AGBL1: variants seen among roughly 807,000 people sequenced by gnomAD.
The protein encoded by AGBL1 is AGBL carboxypeptidase 1, also known as cytosolic carboxypeptidase 4.
AGBL1 carries 130 observed loss-of-function variants against 118.9 expected under a neutral mutation model. The observed-to-expected ratio is 1.09, with a 90% confidence interval of 0.95 to 1.26. The LOEUF is 1.26. Ranked by LOEUF, AGBL1 falls within the 50% of genes most tolerant of loss-of-function variation. The pLI, the probability that AGBL1 is intolerant of heterozygous loss-of-function variation, is 0.00. For missense variants in AGBL1, 1,584 were observed against 1,298.1 expected (o/e 1.22, Z -3.38); for synonymous variants, 555 against 478.9 (o/e 1.16, Z -2.08).
At chr15:86,180,213 T>A (rs943654169) in intron 5 of AGBL1, among the ~76,000 whole-genome samples, 1 of 151,860 alleles carries the variant, frequency 6.6e-6, no homozygotes, top group Non-Finnish European at 1.5e-5. Context: ...AAAATTCATA[T>A]GGAAAGACCA....
intron 20 of AGBL1, among the ~76,000 whole-genome samples, chr15:86,548,612 A>G (rs1470381383): frequency 1.3e-5 from 2 of 151,462 alleles, no homozygotes; most frequent in Non-Finnish European, 2.9e-5. Flanking sequence ...TGTGGTCATC[A>G]AGAAATGCAG....
intron 3 of AGBL1, among the ~76,000 whole-genome samples, chr15:86,148,310 G>A (rs1459393160): frequency 6.6e-6 from 1 of 152,094 alleles, no homozygotes; most frequent in African/African-American, 2.4e-5. Context: ...GCTTCAAAAG[G>A]TCGGTAATAA....
intron 22 of AGBL1, among the ~76,000 whole-genome samples, chr15:86,754,381 A>G (rs2077902365): frequency 6.6e-6 from 1 of 152,102 alleles, no homozygotes; most frequent in South Asian, 2.1e-4. Flanking sequence ...TTTAAGCAAC[A>G]ATCAAACAAT....
intron 21 of AGBL1, among the ~76,000 whole-genome samples, chr15:86,588,980 T>C (rs1362845588): frequency 1.3e-5 from 2 of 152,144 alleles, no homozygotes; most frequent in African/African-American, 4.8e-5. Flanking sequence ...TCTTTCACAA[T>C]TTTTATTTTT....
chr15:86,957,455 A>C (rs901405812), intron 23 of AGBL1, among the ~76,000 whole-genome samples: 1 of 152,088 alleles, frequency 6.6e-6, no homozygotes, highest in African/African-American at 2.4e-5. Flanking sequence ...GGGAATCCAT[A>C]AAAAATATTT....
chr15:86,923,145 G>GTC (rs1423254371), intron 23 of AGBL1, among the ~76,000 whole-genome samples: 2 of 152,152 alleles, frequency 1.3e-5, no homozygotes, highest in East Asian at 1.9e-4. Flanking sequence ...CTCATCCCTT[G>GTC]TCTCTCTCTC....
At chr15:86,609,730 T>G (rs2084631552) in intron 21 of AGBL1, among the ~76,000 whole-genome samples, 1 of 152,186 alleles carries the variant, frequency 6.6e-6, no homozygotes, top group Non-Finnish European at 1.5e-5. Flanking sequence ...GAACAATGCA[T>G]GCTTTCTCAA....
chr15:86,655,349 G>A (rs939713061), intron 21 of AGBL1, among the ~76,000 whole-genome samples: 6 of 152,176 alleles, frequency 3.9e-5, no homozygotes, highest in South Asian at 2.1e-4. Flanking sequence ...AATTGACTCC[G>A]GCTTCTATTT....
chr15:86,735,602 C>CTGTG (rs35147328), intron 22 of AGBL1, among the ~76,000 whole-genome samples: 3,267 of 141,744 alleles, frequency 0.023, 59 homozygotes, highest in African/African-American at 0.043. Context: ...GAGATACAGA[C>CTGTG]TGTGTGTGTG....
chr15:86,518,528 T>C (rs941470681), intron 18 of AGBL1, among the ~76,000 whole-genome samples: 7 of 152,062 alleles, frequency 4.6e-5, no homozygotes, highest in African/African-American at 1.7e-4. Context: ...AATGACCATA[T>C]TTTCTGGAGA....
intron 22 of AGBL1, among the ~76,000 whole-genome samples, chr15:86,891,322 G>C (rs954850549): frequency 1.3e-5 from 2 of 152,026 alleles, no homozygotes; most frequent in African/African-American, 4.8e-5. Context: ...ATGAGAAAAT[G>C]TTCCTCTGTA....
chr15:86,874,033 A>G (rs898024177), intron 22 of AGBL1, among the ~76,000 whole-genome samples: 1 of 152,140 alleles, frequency 6.6e-6, no homozygotes, highest in South Asian at 2.1e-4. Flanking sequence ...AATCTCTGTA[A>G]TGGGGACAAT....
intron 5 of AGBL1, among the ~76,000 whole-genome samples, chr15:86,196,866 T>TGAGC (rs1555446430): frequency 1.6e-5 from 1 of 62,268 alleles, no homozygotes; most frequent in Non-Finnish European, 2.6e-5. Flanking sequence ...AATGTGCACA[T>TGAGC]GTGCGCGCGC....
intron 18 of AGBL1, among the ~76,000 whole-genome samples, chr15:86,513,385 T>C (rs2142182421): frequency 6.6e-6 from 1 of 152,170 alleles, no homozygotes; most frequent in South Asian, 2.1e-4. Flanking sequence ...CAGGTGATGT[T>C]GTACCCTTCT....
chr15:86,422,422 A>G (rs942239117), intron 18 of AGBL1, among the ~76,000 whole-genome samples: 3 of 152,222 alleles, frequency 2.0e-5, no homozygotes, highest in African/African-American at 7.2e-5. Context: ...ACAACTTACC[A>G]CAATCTCTGA....
intron 21 of AGBL1, among the ~76,000 whole-genome samples, chr15:86,605,042 G>T (rs1477738151): frequency 1.3e-5 from 2 of 152,234 alleles, no homozygotes; most frequent in African/African-American, 4.8e-5. Flanking sequence ...TGATCTGCCT[G>T]CCTCAGCCTC....
At chr15:86,434,893 A>G (rs1473498191) in intron 18 of AGBL1, among the ~76,000 whole-genome samples, 1 of 152,220 alleles carries the variant, frequency 6.6e-6, no homozygotes, top group African/African-American at 2.4e-5. Flanking sequence ...TGAACACAAC[A>G]TTCAGGGCTT....
At chr15:86,713,259 A>C (rs1467702739) in intron 22 of AGBL1, among the ~76,000 whole-genome samples, 1 of 152,190 alleles carries the variant, frequency 6.6e-6, no homozygotes, top group African/African-American at 2.4e-5. Flanking sequence ...CAGCATGTTT[A>C]TAGAAGAGTT....
intron 13 of AGBL1, among the ~76,000 whole-genome samples, chr15:86,267,909 TTCA>T (rs1271638600): frequency 6.6e-6 from 1 of 152,160 alleles, no homozygotes. Context: ...CCAGGGTAAC[TTCA>T]TCACCTTCCA....
Sources: allele counts gnomAD v4.1 joint callset (sites outside exome capture counted in the v4.1 genomes callset), GRCh38; gene constraint gnomAD v4.1.1; transcripts MANE v1.5; gene names NCBI Gene and HGNC (gene_info 2026-07-23, HGNC 2026-07-21).